APBA1: variants seen among roughly 807,000 people sequenced by gnomAD.
APBA1 encodes the protein amyloid beta precursor protein binding family A member 1.
APBA1 carries 55 observed loss-of-function variants against 86.6 expected under a neutral mutation model. That is an observed-to-expected ratio of 0.64 (90% CI 0.51 to 0.80). APBA1 has a LOEUF of 0.80. Ranked by LOEUF, APBA1 falls within the 30% of genes least tolerant of loss-of-function variation. The pLI, the probability that APBA1 is intolerant of heterozygous loss-of-function variation, is 0.00. For synonymous variants in APBA1, 511 were observed against 493.9 expected, an observed-to-expected ratio of 1.03 and a Z score of -0.46; for missense variants, 1,090 against 1,183.0, an observed-to-expected ratio of 0.92 and a Z score of 1.15.
chr9:69,493,518 T>C (rs1180569314), intron 2 of APBA1, among the ~76,000 whole-genome samples: 1 of 152,086 alleles, frequency 6.6e-6, no homozygotes, highest in African/African-American at 2.4e-5. Flanking sequence ...GTTTGTACCA[T>C]TCTTAAGGTG....
chr9:69,553,740 A>G (rs773660551), intron 1 of APBA1, among the ~76,000 whole-genome samples: 2 of 152,234 alleles, frequency 1.3e-5, no homozygotes, highest in Non-Finnish European at 2.9e-5. Context: ...GGAGCCACAG[A>G]TCTTTTCTAC....
rs575136896 is a variant in APBA1 at position 69,477,173 on chromosome 9, A to C, written c.1201-1030T>G. On this transcript the variant is annotated intron_variant, in intron 2 of 12. Coordinates refer to ENST00000265381, the MANE Select transcript of APBA1 (RefSeq NM_001163.4). ...CTACAGCTCCCAGCGTGAGCGACAC[A>C]GAAGATGGGTGATTTCTGCATTTCC... is the stretch of plus-strand genomic sequence containing the variant. 8.8e-4 allele frequency among the ~76,000 whole-genome samples: 134 copies of C among 152,066 alleles called. 1 individual carries two copies. Among genetic ancestry groups the C allele is most frequent in the African/African-American group, 3.1e-3 (129 of 41,504 alleles).
intron 1 of APBA1, among the ~76,000 whole-genome samples, chr9:69,572,071 T>C (rs940444778): frequency 6.6e-6 from 1 of 152,206 alleles, no homozygotes; most frequent in Non-Finnish European, 1.5e-5. Flanking sequence ...AGTGTTATTA[T>C]CTCTTTTTAA....
In APBA1 at chr9:69,493,910, A is replaced by T. The variant is rs184904164; in HGVS notation, c.1201-17767T>A. ...CCAATGTACATTGTTTCCCTCACTGATCCAAGTTGTTTTAGATTAACCTTA... is the reference window on the plus strand; with the variant it reads ...CCAATGTACATTGTTTCCCTCACTGTTCCAAGTTGTTTTAGATTAACCTTA... On this transcript the variant is annotated intron_variant, in intron 2 of 12. Transcript: ENST00000265381. Among the ~76,000 whole-genome samples the T allele has an allele frequency of 4.6e-3, 704 of 152,118 alleles. 5 individuals carry two copies. Among genetic ancestry groups the T allele is most frequent in the Middle Eastern group, 0.017 (5 of 294 alleles).
At chr9:69,477,304 C>G (rs1314092469) in intron 2 of APBA1, among the ~76,000 whole-genome samples, 1 of 151,718 alleles carries the variant, frequency 6.6e-6, no homozygotes, top group African/African-American at 2.4e-5. Flanking sequence ...CATTTCCTCA[C>G]TTGGGAAGTG....
chr9:69,564,180 T>G (rs955070531), intron 1 of APBA1, among the ~76,000 whole-genome samples: 1 of 152,182 alleles, frequency 6.6e-6, no homozygotes, highest in Non-Finnish European at 1.5e-5. Context: ...CATACCCAAA[T>G]GCAGTTAATC....
intron 1 of APBA1, among the ~76,000 whole-genome samples, chr9:69,574,411 C>T (rs1467530062): frequency 1.3e-5 from 2 of 152,176 alleles, no homozygotes; most frequent in East Asian, 3.8e-4. Flanking sequence ...TTACTTGCTT[C>T]ACTCCAGGCT....
chr9:69,560,281 C>G (rs1188290713), intron 1 of APBA1, among the ~76,000 whole-genome samples: 1 of 152,064 alleles, frequency 6.6e-6, no homozygotes, highest in East Asian at 1.9e-4. Flanking sequence ...ATATTTTAAC[C>G]AATTTTTCTA....
At chr9:69,592,335 C>G (rs1307332090) in intron 1 of APBA1, among the ~76,000 whole-genome samples, 4 of 152,180 alleles carry the variant, frequency 2.6e-5, no homozygotes, top group Non-Finnish European at 5.9e-5. Context: ...AGTGGCTCTG[C>G]TTGTGATCCC....
chr9:69,457,318 G>T (rs752293393), intron 6 of APBA1, among the ~76,000 whole-genome samples, 179 bp from the exon 7 acceptor site: 9 of 152,192 alleles, frequency 5.9e-5, no homozygotes, highest in Non-Finnish European at 1.3e-4. Context: ...ACATGGACAA[G>T]AGTTAGCACC....
chr9:69,442,337 G>A (rs1159904534), intron 10 of APBA1, among the ~76,000 whole-genome samples: 1 of 152,094 alleles, frequency 6.6e-6, no homozygotes, highest in Non-Finnish European at 1.5e-5. Flanking sequence ...CCTGCTATAA[G>A]AGCTGAGGCA....
At chr9:69,491,491 G>C (rs1258073604) in intron 2 of APBA1, among the ~76,000 whole-genome samples, 2 of 151,638 alleles carry the variant, frequency 1.3e-5, no homozygotes, top group Non-Finnish European at 2.9e-5. Flanking sequence ...CATTAGGAGA[G>C]ATACCTAATG....
At position 69,428,660 on chromosome 9, in the gene APBA1, T is replaced by C. The variant is rs923205102; in HGVS notation, c.*2667A>G. On this transcript the variant is annotated 3_prime_UTR_variant, in exon 13 of 13. Coordinates refer to ENST00000265381, the MANE Select transcript of APBA1 (RefSeq NM_001163.4). The stretch of plus-strand genomic sequence containing the variant: ...ATTTAGATATTTACATGTATAACTA[T>C]ATATACTGGGATGACAGAAGGGAAG... 5.3e-5 allele frequency: 8 copies of C among 152,300 alleles called. No individual in the cohort carries two copies. Among genetic ancestry groups the C allele is most frequent in the Non-Finnish European group, 1.0e-4 (7 of 68,020 alleles). 9.4% of individuals were successfully genotyped at this position (152,300 alleles called of 1,614,324 possible). A position where few individuals can be genotyped will look rare whatever the true frequency, so the allele number is the denominator to read the frequency against.
intron 1 of APBA1, among the ~76,000 whole-genome samples, chr9:69,611,769 G>A (rs1163437713): frequency 6.6e-6 from 1 of 152,154 alleles, no homozygotes; most frequent in Non-Finnish European, 1.5e-5. Flanking sequence ...TGCATTGTGT[G>A]TTCACACATG....
At chr9:69,557,283 T>C (rs966658058) in intron 1 of APBA1, among the ~76,000 whole-genome samples, 3 of 152,178 alleles carry the variant, frequency 2.0e-5, no homozygotes, top group African/African-American at 7.2e-5. Flanking sequence ...CATGACAAAG[T>C]GTAGGTGCTT....
Position 69,432,592 on chromosome 9 carries a change from C to T in APBA1, c.2386G>A (p.Val796Ile), listed in dbSNP as rs770422025. The T allele has an allele frequency of 2.4e-5, 38 of 1,606,202 alleles. No individual in the cohort carries two copies. The highest frequency in any genetic ancestry group is 3.3e-4 in the Middle Eastern group (2 of 6,042). Residue 796 changes from valine to isoleucine, a missense_variant, in exon 12 of 13, where the codon GTC becomes ATC. By Grantham distance (29) the Val-to-Ile change is conservative (BLOSUM62 3). This residue lies in a region of APBA1 where 119 missense variants were observed against 124.8 expected (regional missense o/e 0.95). Transcript: ENST00000265381. ...HRIIEINGQS[V>I]VATPHEKIVH... ...ATCTTCTCGTGGGGGGTGGCCACGA[C>T]GCTCTGTCCATTGATTTCAATGATC...
chr9:69,440,259 A>G (rs7049022), intron 11 of APBA1, among the ~76,000 whole-genome samples: 30,023 of 152,176 alleles, frequency 0.2, 3,100 homozygotes, highest in South Asian at 0.31. Context: ...CAGTCTGCCC[A>G]TTCTCAGATC....
chr9:69,560,606 C>T lies in APBA1; in HGVS notation c.-69-43327G>A, dbSNP rs1276374515. ...ATGGGAATGCATGTAAAGTACTTGGCACAGTACTTCATTAAGCACTTATCA... is the reference window on the plus strand; with the variant it reads ...ATGGGAATGCATGTAAAGTACTTGGTACAGTACTTCATTAAGCACTTATCA... On this transcript the variant is annotated intron_variant, in intron 1 of 12. Transcript: ENST00000265381. 2.0e-5 allele frequency among the ~76,000 whole-genome samples: 3 copies of T among 152,194 alleles called. 1 individual carries two copies. Among genetic ancestry groups the T allele is most frequent in the Non-Finnish European group, 4.4e-5 (3 of 68,034 alleles).
At chr9:69,572,539 T>C (rs1837132407) in intron 1 of APBA1, among the ~76,000 whole-genome samples, 1 of 152,138 alleles carries the variant, frequency 6.6e-6, no homozygotes, top group Non-Finnish European at 1.5e-5. Context: ...AGAAACCCCC[T>C]CTCACTTCAT....
Sources: gnomAD v4.1 joint callset for allele counts (sites outside exome capture counted in the v4.1 genomes callset) on GRCh38, gnomAD v4.1.1 for gene constraint, gnomAD v4.1.1 regional missense constraint, MANE v1.5 for transcripts, NCBI Gene and HGNC (gene_info 2026-07-23, HGNC 2026-07-21) for gene names.